FEZ2: variants seen among roughly 807,000 people sequenced by gnomAD.
The protein encoded by FEZ2 is fasciculation and elongation protein zeta 2.
A neutral mutation model predicts 40.4 loss-of-function variants in FEZ2; 51 were observed. The ratio of observed to expected loss-of-function variants is 1.26; its 90% confidence interval spans 1.01 to 1.59. The LOEUF is 1.59. Among genes scored for constraint, FEZ2 ranks in the 40% most tolerant of loss-of-function variants. The probability of loss-of-function intolerance (pLI) is 0.00; values close to 1 mark genes in which losing one functional copy is unlikely to be tolerated. For missense variants in FEZ2, 640 were observed against 438.3 expected (o/e 1.46, Z -4.11); for synonymous variants, 242 against 172.0 (o/e 1.41, Z -3.18).
In FEZ2 at chr2:36,552,910, C is replaced by T; in HGVS notation, c.*253G>A. 1 of 454,308 alleles carries T rather than the reference C, an allele frequency of 2.2e-6. No homozygotes were observed. The highest frequency in any genetic ancestry group is 3.9e-5 in the Admixed American group (1 of 25,806). The allele number at this position is 454,308 out of a possible 1,614,324, so 28.1% of individuals were successfully genotyped here. On this transcript the variant is annotated 3_prime_UTR_variant, in exon 8 of 8. Transcript: ENST00000405912. ...CTGCACATGCACAATTAATATTACT[C>T]TCTCTTAATCTACTAAGAGAACAGT...
chr2:36,560,268 C>T (rs1411735874), intron 5 of FEZ2, among the ~76,000 whole-genome samples: 5 of 152,140 alleles, frequency 3.3e-5, no homozygotes, highest in African/African-American at 1.2e-4. Context: ...GTTTGGCAGA[C>T]AACTGAGTTG....
intron 5 of FEZ2, among the ~76,000 whole-genome samples, chr2:36,568,930 A>T (rs1668329380): frequency 6.6e-6 from 1 of 152,016 alleles, no homozygotes; most frequent in Non-Finnish European, 1.5e-5. Flanking sequence ...AATTCACCAA[A>T]ATCTGAAAGA....
At chr2:36,570,137 T>A (rs1416003099) in intron 5 of FEZ2, among the ~76,000 whole-genome samples, 2 of 152,036 alleles carry the variant, frequency 1.3e-5, no homozygotes, top group African/African-American at 4.8e-5. Context: ...ATTTAAGATG[T>A]AAAAGTAATA....
In FEZ2 at chr2:36,583,346, T is replaced by A; in HGVS notation, c.492+7A>T. The A allele has an allele frequency of 6.9e-7, 1 of 1,451,098 alleles. No individual in the cohort carries two copies. Among genetic ancestry groups the A allele is most frequent in the Non-Finnish European group, 9.7e-7 (1 of 1,033,522 alleles). The allele number at this position is 1,451,098 out of a possible 1,614,324, so 89.9% of individuals were successfully genotyped here. On this transcript the variant is annotated splice_region_variant and intron_variant, in intron 3 of 7. Coordinates refer to ENST00000405912, the MANE Select transcript of FEZ2 (RefSeq NM_005102.3). ...TTTCCTTGCGTTGCTGAGGATCTCC[T>A]CTATACCTGGTCTGCCGTGAAGAGG...
intron 1 of FEZ2, among the ~76,000 whole-genome samples, chr2:36,596,124 C>T (rs1669215581): frequency 1.3e-5 from 2 of 152,164 alleles, no homozygotes; most frequent in Admixed American, 1.3e-4. Flanking sequence ...TTGCTACTGA[C>T]GGCATGCATG....
intron 6 of FEZ2, 174 bp downstream of exon 6, chr2:36,558,264 T>C: frequency 4.5e-6 from 2 of 442,806 alleles, no homozygotes; most frequent in South Asian, 1.2e-4. Flanking sequence ...GAGTTACTGT[T>C]GTATTTAATG....
At chr2:36,563,615 A>C (rs1308529452) in intron 5 of FEZ2, among the ~76,000 whole-genome samples, 1 of 151,800 alleles carries the variant, frequency 6.6e-6, no homozygotes, top group Non-Finnish European at 1.5e-5. Context: ...GAAGTCAGGC[A>C]GCATCAATAT....
At chr2:36,564,762 G>A (rs142530786) in intron 5 of FEZ2, among the ~76,000 whole-genome samples, 2,436 of 152,180 alleles carry the variant, frequency 0.016, 25 homozygotes, top group Non-Finnish European at 0.024. Flanking sequence ...AGCCAACCGG[G>A]CCAACTCGGG....
At chr2:36,593,749 G>A (rs1197156089) in intron 1 of FEZ2, among the ~76,000 whole-genome samples, 1 of 152,044 alleles carries the variant, frequency 6.6e-6, no homozygotes, top group Non-Finnish European at 1.5e-5. Flanking sequence ...ACATGGCCTG[G>A]AGACATTTTC....
intron 2 of FEZ2, chr2:36,590,411 C>T (rs1669034923): frequency 6.5e-6 from 1 of 153,126 alleles, no homozygotes; most frequent in Admixed American, 6.5e-5. Context: ...GGTGCAGTGG[C>T]TCACACCTGT....
At chr2:36,588,737 TTTCA>T (rs1482664536) in intron 2 of FEZ2, among the ~76,000 whole-genome samples, 4 of 152,156 alleles carry the variant, frequency 2.6e-5, no homozygotes, top group Non-Finnish European at 4.4e-5. Flanking sequence ...GGTTTTTTAT[TTTCA>T]TTATTTTCAA....
chr2:36,584,046 A>G (rs58321636), intron 2 of FEZ2: 8,192 of 152,482 alleles, frequency 0.054, 791 homozygotes, highest in East Asian at 0.43. Context: ...ACCATCTTCC[A>G]CCCTGCTCTG....
chr2:36,572,017 GAAAAAAAAAAAAA>G (rs34787798), intron 5 of FEZ2, among the ~76,000 whole-genome samples: 32,593 of 110,346 alleles, frequency 0.3, 4,750 homozygotes, highest in Middle Eastern at 0.43. Context: ...TCCGTCTCAG[GAAAAAAAAAAAAA>G]AAAAAAAAAA....
intron 4 of FEZ2, chr2:36,579,099 G>A (rs1668661764): frequency 6.8e-6 from 3 of 442,148 alleles, no homozygotes; most frequent in South Asian, 5.9e-5. Flanking sequence ...TCAGCTTGCT[G>A]GCAAGAAAGT....
In FEZ2 at chr2:36,598,099, T is replaced by G; in HGVS notation, c.44A>C (p.Glu15Ala). 1.3e-6 allele frequency: 2 copies of G among 1,487,568 alleles called. No individual in the cohort carries two copies. The highest frequency in any genetic ancestry group is 1.8e-6 in the Non-Finnish European group (2 of 1,127,660). 92.1% of individuals were successfully genotyped at this position (1,487,568 alleles called of 1,614,324 possible). A position where few individuals can be genotyped will look rare whatever the true frequency, so the allele number is the denominator to read the frequency against. ...GDWQDFYEFQ[E>A]PARSLLDQEN... The stretch of plus-strand genomic sequence containing the variant: ...CTGGTCCAGGAGGCTCCGGGCCGGC[T>G]CCTGGAACTCATAGAAATCCTGCCA... Residue 15 changes from glutamate to alanine, a missense_variant, in exon 1 of 8, where the codon GAG becomes GCG. Glu to Ala is a moderately radical substitution (Grantham distance 107, BLOSUM62 -1). Transcript: ENST00000405912.
chr2:36,577,798 A>G (rs540693860), intron 5 of FEZ2, among the ~76,000 whole-genome samples: 13 of 152,354 alleles, frequency 8.5e-5, no homozygotes, highest in African/African-American at 3.1e-4. Context: ...AACAGAACTC[A>G]TATTATTGCA....
rs901776860 is a variant in FEZ2 at position 36,552,617 on chromosome 2, A to G, written c.*546T>C. 8.3e-6 allele frequency: 2 copies of G among 239,674 alleles called. No homozygotes were observed. Among genetic ancestry groups the G allele is most frequent in the Non-Finnish European group, 1.7e-5 (2 of 120,974 alleles). 14.8% of individuals were successfully genotyped at this position (239,674 alleles called of 1,614,324 possible). On this transcript the variant is annotated 3_prime_UTR_variant, in exon 8 of 8. Coordinates refer to ENST00000405912, the MANE Select transcript of FEZ2 (RefSeq NM_005102.3). ...AAAATCCATCACCACCAACAGTTTC[A>G]ATGTTAGCACTAAGTATTAAACCAA...
chr2:36,563,116 G>T (rs928850940), intron 5 of FEZ2, among the ~76,000 whole-genome samples: 4 of 152,212 alleles, frequency 2.6e-5, no homozygotes, highest in Non-Finnish European at 4.4e-5. Context: ...ACATGCAGAT[G>T]TAATTTAGGT....
At chr2:36,579,209 C>T (rs1416769518) in intron 4 of FEZ2, 2 of 201,066 alleles carry the variant, frequency 9.9e-6, no homozygotes, top group South Asian at 1.5e-4. Flanking sequence ...ACACAAAAGT[C>T]GAGGGAAAGT....
Sources: allele counts gnomAD v4.1 joint callset (sites outside exome capture counted in the v4.1 genomes callset), GRCh38; gene constraint gnomAD v4.1.1; transcripts MANE v1.5; gene names NCBI Gene and HGNC (gene_info 2026-07-23, HGNC 2026-07-21).